TRHDE: variants seen among roughly 807,000 people sequenced by gnomAD.
TRHDE encodes thyrotropin releasing hormone degrading enzyme, also known as thyrotropin-releasing hormone-degrading ectoenzyme.
Under a neutral mutation model 125.7 loss-of-function variants are expected in TRHDE, and 72 were observed. The ratio of observed to expected loss-of-function variants is 0.57; its 90% confidence interval spans 0.47 to 0.70. The LOEUF (loss-of-function observed/expected upper bound fraction) is 0.70. TRHDE is among the 30% of genes least tolerant of loss of function. The pLI, the probability that TRHDE is intolerant of heterozygous loss-of-function variation, is 0.00. For missense variants in TRHDE, 1,110 were observed against 1,327.1 expected, an observed-to-expected ratio of 0.84 and a Z score of 2.54; for synonymous variants, 509 against 509.1, an observed-to-expected ratio of 1.00 and a Z score of 0.00.
intron 6 of TRHDE, among the ~76,000 whole-genome samples, chr12:72,508,156 G>T (rs1878434391): frequency 6.6e-6 from 1 of 152,234 alleles, no homozygotes; most frequent in East Asian, 1.9e-4. Flanking sequence ...CAGTGTGGAG[G>T]GGAAATGTGG....
rs967665869 is a variant in TRHDE at position 72,160,111 on chromosome 12, TC to T, written n.279+54361del. Among the ~76,000 whole-genome samples the T allele has an allele frequency of 1.1e-4, 16 of 152,314 alleles. No homozygotes were observed. In the Middle Eastern group the frequency reaches 0.01, roughly 97 times the overall value. ...AGGTTTGATGTTCCTTTCTTCTTTT[TC>T]CTCTGCTATTTATTTCAAAAAAATT... is the stretch of plus-strand genomic sequence containing the variant. On this transcript the variant is annotated intron_variant and non_coding_transcript_variant, in intron 2 of 4. Transcript: ENST00000548156.
intron 2 of TRHDE, among the ~76,000 whole-genome samples, chr12:72,336,316 C>T (rs1319894464): frequency 1.3e-5 from 2 of 152,130 alleles, no homozygotes; most frequent in African/African-American, 2.4e-5. Context: ...TACAATCTCT[C>T]CTAATCCCAA....
chr12:72,218,961 T>C (rs1459770636), intron 2 of TRHDE, among the ~76,000 whole-genome samples: 1 of 152,128 alleles, frequency 6.6e-6, no homozygotes, highest in South Asian at 2.1e-4. Flanking sequence ...TATCCCTTAG[T>C]TTCACAAATT....
intron 2 of TRHDE, among the ~76,000 whole-genome samples, chr12:72,215,535 C>T (rs1166343186): frequency 6.6e-6 from 1 of 152,192 alleles, no homozygotes; most frequent in African/African-American, 2.4e-5. Context: ...ATTCATTATA[C>T]ACTTTTCTGC....
chr12:72,154,431 G>A (rs183892520), intron 2 of TRHDE, among the ~76,000 whole-genome samples: 29 of 152,268 alleles, frequency 1.9e-4, no homozygotes, highest in South Asian at 8.3e-4. Context: ...ATTTGATCCC[G>A]TCATTATGAT....
At chr12:72,444,621 G>A (rs1390514483) in intron 3 of TRHDE, among the ~76,000 whole-genome samples, 2 of 151,750 alleles carry the variant, frequency 1.3e-5, no homozygotes, top group East Asian at 3.9e-4. Flanking sequence ...TCCTAATTGT[G>A]GGCCTAATTG....
intron 2 of TRHDE, among the ~76,000 whole-genome samples, chr12:72,295,597 C>T (rs771426070): frequency 1.4e-4 from 21 of 152,034 alleles, no homozygotes; most frequent in Non-Finnish European, 3.1e-4. Context: ...ATATGTATAC[C>T]CACATCCAGG....
chr12:72,591,216 T>C (rs1222293525), intron 12 of TRHDE, among the ~76,000 whole-genome samples: 1 of 152,138 alleles, frequency 6.6e-6, no homozygotes, highest in Non-Finnish European at 1.5e-5. Context: ...TCCAACAACA[T>C]GAGGATTATG....
intron 3 of TRHDE, among the ~76,000 whole-genome samples, chr12:72,384,949 A>G (rs1228460543): frequency 6.6e-6 from 1 of 151,996 alleles, no homozygotes; most frequent in Non-Finnish European, 1.5e-5. Context: ...GTCTTTAGTG[A>G]ATATATTTGC....
intron 2 of TRHDE, among the ~76,000 whole-genome samples, chr12:72,375,718 T>G (rs908236130): frequency 7.2e-5 from 11 of 152,214 alleles, no homozygotes; most frequent in Non-Finnish European, 1.3e-4. Context: ...GTGGTAACAA[T>G]GTAACTTAAT....
rs772997572 is a variant in TRHDE, at chr12:72,378,058, A to G, written c.1252A>G (p.Thr418Ala). Residue 418 changes from threonine to alanine, a missense_variant, in exon 3 of 19, where the codon ACA becomes GCA. Transcript: ENST00000261180. ...ATCCGGGGACTATGCTCTCCATATA[A>G]CAAAGAGATTAATAGAATTTTATGA... ...RGSGDYALHI[T>A]KRLIEFYEDY... 10 of 1,607,620 alleles carry G rather than the reference A, an allele frequency of 6.2e-6. No homozygotes were observed. The highest frequency in any genetic ancestry group is 4.3e-6 in the Non-Finnish European group (5 of 1,176,376).
At chr12:72,145,979 A>G (rs764519650) in intron 2 of TRHDE, among the ~76,000 whole-genome samples, 1 of 152,252 alleles carries the variant, frequency 6.6e-6, no homozygotes, top group Non-Finnish European at 1.5e-5. Context: ...AATTTCCTCT[A>G]AAGATATTCC....
rs562375819 is a variant in TRHDE, at chr12:72,317,562, C to T, written c.1188+30608C>T. On this transcript the variant is annotated intron_variant, in intron 2 of 18. Transcript: ENST00000261180. Reference sequence around the variant, plus strand: ...ATAGCAAACAAGACCAAACTGGCTCCCTTAAGCCCTTTTGTAAAGACACTA... The same window carrying T: ...ATAGCAAACAAGACCAAACTGGCTCTCTTAAGCCCTTTTGTAAAGACACTA... 3.3e-5 allele frequency among the ~76,000 whole-genome samples: 5 copies of T among 152,228 alleles called. No individual in the cohort carries two copies. The South Asian group carries it at 1.0e-3, about 32-fold the overall frequency.
In TRHDE at chr12:72,473,050, T is replaced by C; in HGVS notation, c.1471-17T>C. On this transcript the variant is annotated splice_polypyrimidine_tract_variant and intron_variant, in intron 4 of 18. Coordinates refer to ENST00000261180, the MANE Select transcript of TRHDE (RefSeq NM_013381.3). ...AGATTTTATTTTATTTGATGACCATTAATTTTGTTACTGCAGTGGTTTGGT... is the reference window on the plus strand; with the variant it reads ...AGATTTTATTTTATTTGATGACCATCAATTTTGTTACTGCAGTGGTTTGGT... 6.3e-7 allele frequency: 1 copy of C among 1,584,648 alleles called. No individual in the cohort carries two copies. Among genetic ancestry groups the C allele is most frequent in the Non-Finnish European group, 8.7e-7 (1 of 1,153,886 alleles).
Position 72,275,235 on chromosome 12 carries a change from T to C in TRHDE, c.914+1678T>C, listed in dbSNP as rs185382876. 1.1e-3 allele frequency among the ~76,000 whole-genome samples: 161 copies of C among 152,334 alleles called. 2 individuals carry two copies. Among genetic ancestry groups the C allele is most frequent in the Admixed American group, 6.2e-3 (95 of 15,304 alleles). On this transcript the variant is annotated intron_variant, in intron 1 of 18. Transcript: ENST00000261180. ...GTTTGGAAACTCTCAGAAGAAGTTA[T>C]TGTGTAAGAGGCTGGGGAAATTGCA...
chr12:72,453,106 A>G (rs1388789426), intron 3 of TRHDE, among the ~76,000 whole-genome samples: 2 of 152,228 alleles, frequency 1.3e-5, no homozygotes, highest in African/African-American at 4.8e-5. Flanking sequence ...TTGGAGGCTC[A>G]GAAGAAGACA....
At chr12:72,282,992 C>G (rs912275474) in intron 1 of TRHDE, among the ~76,000 whole-genome samples, 1 of 152,126 alleles carries the variant, frequency 6.6e-6, no homozygotes, top group Non-Finnish European at 1.5e-5. Flanking sequence ...AATTATCCAG[C>G]CTAAAATGTC....
intron 6 of TRHDE, among the ~76,000 whole-genome samples, chr12:72,518,433 T>C (rs1474594264): frequency 3.0e-4 from 46 of 151,936 alleles, no homozygotes; most frequent in Admixed American, 2.8e-3. Context: ...CTTTGTTGGT[T>C]TAAAGTCTGT....
At chr12:72,657,120 C>T (rs1341616868) in intron 18 of TRHDE, 112 bp downstream of exon 18, 1 of 683,026 alleles carries the variant, frequency 1.5e-6, no homozygotes, top group South Asian at 1.8e-5. Context: ...TTTACTTACA[C>T]ACGCACACCA....
Sources: allele counts gnomAD v4.1 joint callset (sites outside exome capture counted in the v4.1 genomes callset), GRCh38; gene constraint gnomAD v4.1.1; transcripts MANE v1.5; gene names NCBI Gene and HGNC (gene_info 2026-07-23, HGNC 2026-07-21).